Variants in SMU1 observed in about 807,000 individuals in gnomAD.
SMU1 encodes the protein WD40 repeat-containing protein SMU1.
A neutral mutation model predicts 62.0 loss-of-function variants in SMU1; 2 were observed. That is an observed-to-expected ratio of 0.03 (90% CI 0.01 to 0.10). The LOEUF (loss-of-function observed/expected upper bound fraction) is 0.10, where lower values mean the gene tolerates loss of function less well. Among genes scored for constraint, SMU1 ranks in the 10% least tolerant of loss-of-function variants. The pLI, the probability that SMU1 is intolerant of heterozygous loss-of-function variation, is 1.00. For synonymous variants in SMU1, 188 were observed against 212.4 expected, an observed-to-expected ratio of 0.89 and a Z score of 1.00; for missense variants, 227 against 622.1, an observed-to-expected ratio of 0.36 and a Z score of 6.76.
intron 1 of SMU1, among the ~76,000 whole-genome samples, chr9:33,075,104 C>T (rs1839531141): frequency 6.6e-6 from 1 of 151,484 alleles, no homozygotes; most frequent in Admixed American, 6.6e-5. Flanking sequence ...AGGCCGGCCG[C>T]GGTGGCTCAC....
Position 33,068,983 on chromosome 9 carries a change from T to G in SMU1, c.391-49A>C, listed in dbSNP as rs375602032. The G allele has an allele frequency of 2.2e-5, 35 of 1,595,812 alleles. No homozygotes were observed. In the African/African-American group the frequency reaches 4.0e-4, roughly 18 times the overall value. The stretch of plus-strand genomic sequence containing the variant: ...TCATTTCCAAGAAGCAACAACAAGA[T>G]ATGAGTGTGCTTATTTAAAACAAAC... On this transcript the variant is annotated intron_variant, in intron 3 of 11. Coordinates refer to ENST00000397149, the MANE Select transcript of SMU1 (RefSeq NM_018225.3).
At chr9:33,051,230 T>C (rs1438222558) in intron 10 of SMU1, among the ~76,000 whole-genome samples, 2 of 152,098 alleles carry the variant, frequency 1.3e-5, no homozygotes, top group African/African-American at 4.8e-5. Flanking sequence ...GTTACGTACT[T>C]TATGTTTCCA....
Position 33,056,180 on chromosome 9 carries a change from A to T in SMU1, c.1055T>A (p.Val352Asp). 1.9e-6 allele frequency: 3 copies of T among 1,613,590 alleles called. No homozygotes were observed. Among genetic ancestry groups the T allele is most frequent in the Non-Finnish European group, 2.5e-6 (3 of 1,179,652 alleles). Reference protein sequence around the residue: ...LKEFRGHSSFVNEATFTQDGH... With the variant: ...LKEFRGHSSFDNEATFTQDGH... ...ATCTTGTGTAAATGTTGCTTCGTTA[A>T]CAAAGGAGGAATGGCCACGAAATTC... The change falls in exon 9 of 12, where the codon GTT (valine) becomes GAT (aspartate). Residue 352 changes from valine (V) to aspartate (D), a missense_variant. Val to Asp is a radical substitution (Grantham distance 152, BLOSUM62 -3). This residue lies in a region of SMU1 where 98 missense variants were observed against 195.9 expected (regional missense o/e 0.50). Transcript: ENST00000397149.
At chr9:33,057,102 G>T in intron 7 of SMU1, 138 bp from the exon 8 acceptor site, 1 of 810,426 alleles carries the variant, frequency 1.2e-6, no homozygotes, top group Non-Finnish European at 1.9e-6. Flanking sequence ...AGCTGAATAT[G>T]ATGTCTAGTT....
chr9:33,052,303 G>A (rs1302437636), intron 10 of SMU1, among the ~76,000 whole-genome samples: 1 of 149,032 alleles, frequency 6.7e-6, no homozygotes, highest in Non-Finnish European at 1.5e-5. Context: ...TACTATTTTT[G>A]CAACTCTATG....
chr9:33,051,754 T>A (rs1839251822), intron 10 of SMU1, among the ~76,000 whole-genome samples: 1 of 152,138 alleles, frequency 6.6e-6, no homozygotes, highest in South Asian at 2.1e-4. Flanking sequence ...TCTTTGGGAA[T>A]AAAACCATTC....
At chr9:33,074,548 T>TACATCAAG (rs1177026785) in intron 1 of SMU1, among the ~76,000 whole-genome samples, 3 of 152,044 alleles carry the variant, frequency 2.0e-5, no homozygotes, top group African/African-American at 7.2e-5. Context: ...AGGTTGAGGC[T>TACATCAAG]GCAGTGAGCC....
intron 5 of SMU1, 150 bp from the exon 6 acceptor site, chr9:33,060,734 C>T (rs969913859): frequency 9.2e-5 from 86 of 931,406 alleles, no homozygotes; most frequent in Non-Finnish European, 1.2e-4. Context: ...TGTACCTGGA[C>T]GCAGGGAGCT....
intron 3 of SMU1, among the ~76,000 whole-genome samples, chr9:33,071,344 A>C (rs572798210): frequency 6.6e-6 from 1 of 152,290 alleles, no homozygotes; most frequent in African/African-American, 2.4e-5. Flanking sequence ...AAGAAACAAA[A>C]GCTTCTAGGG....
intron 1 of SMU1, 113 bp downstream of exon 1, chr9:33,076,470 A>T: frequency 7.7e-7 from 1 of 1,292,496 alleles, no homozygotes; most frequent in East Asian, 2.3e-5. Context: ...GGGGCAAGGA[A>T]ATGGCCCTCC....
intron 9 of SMU1, among the ~76,000 whole-genome samples, chr9:33,054,550 T>TG (rs1839284806): frequency 6.6e-6 from 1 of 152,238 alleles, no homozygotes; most frequent in Non-Finnish European, 1.5e-5. Flanking sequence ...CTTATCCTTC[T>TG]GGGTTCTATG....
At chr9:33,047,421 G>GT in intron 11 of SMU1, 30 bp from the exon 12 acceptor site, 1 of 1,577,848 alleles carries the variant, frequency 6.3e-7, no homozygotes. Context: ...GGGTTAGGAT[G>GT]TACAGATCTG....
At chr9:33,068,109 C>T (rs891421802) in intron 4 of SMU1, among the ~76,000 whole-genome samples, 7 of 152,120 alleles carry the variant, frequency 4.6e-5, no homozygotes, top group Admixed American at 1.3e-4. Context: ...AATACTGTGA[C>T]GAGTAAATGG....
intron 4 of SMU1, among the ~76,000 whole-genome samples, chr9:33,065,147 G>C (rs923715261): frequency 6.6e-6 from 1 of 152,030 alleles, no homozygotes; most frequent in Admixed American, 6.6e-5. Flanking sequence ...AAACCTCTAG[G>C]TTAAGGTCCA....
chr9:33,060,954 T>A (rs1260348678), intron 5 of SMU1, among the ~76,000 whole-genome samples: 6 of 152,234 alleles, frequency 3.9e-5, no homozygotes, highest in African/African-American at 1.4e-4. Context: ...TGGCCTAATA[T>A]GTTCCTGTTG....
In SMU1 at chr9:33,047,210, G is replaced by GGC; in HGVS notation, c.*81_*82dup. ...GACAATCTATTTGCTTAGAAAAGCTGGCAAAAAAAAAAAAAAGCACATTAC... is the reference window on the plus strand; with the variant it reads ...GACAATCTATTTGCTTAGAAAAGCTGGCGCAAAAAAAAAAAAAAGCACATTAC... On this transcript the variant is annotated 3_prime_UTR_variant, in exon 12 of 12. Transcript: ENST00000397149. The GGC allele has an allele frequency of 1.5e-6, 1 of 656,418 alleles. No individual in the cohort carries two copies. The allele number at this position is 656,418 out of a possible 1,614,324, so 40.7% of individuals were successfully genotyped here.
intron 10 of SMU1, among the ~76,000 whole-genome samples, chr9:33,051,429 A>C (rs1395925875): frequency 2.0e-5 from 3 of 152,156 alleles, no homozygotes; most frequent in Admixed American, 6.5e-5. Context: ...AGAACATACA[A>C]CACCAAGAGT....
Position 33,047,149 on chromosome 9 carries a change from C to A in SMU1, c.*144G>T. 1 of 563,818 alleles carries A rather than the reference C, an allele frequency of 1.8e-6. No individual in the cohort carries two copies. Among genetic ancestry groups the A allele is most frequent in the Non-Finnish European group, 3.1e-6 (1 of 319,526 alleles). The allele number at this position is 563,818 out of a possible 1,614,324, so 34.9% of individuals were successfully genotyped here. On this transcript the variant is annotated 3_prime_UTR_variant, in exon 12 of 12. Coordinates refer to ENST00000397149, the MANE Select transcript of SMU1 (RefSeq NM_018225.3). ...AAAGAAAGGGTAGTTGCTACTTAAACATGAATTTTCACAAAATTATTCTGT... is the reference window on the plus strand; with the variant it reads ...AAAGAAAGGGTAGTTGCTACTTAAAAATGAATTTTCACAAAATTATTCTGT...
At position 33,047,212 on chromosome 9, in the gene SMU1, CA is replaced by C. The variant is rs34866457; in HGVS notation, c.*80del. On this transcript the variant is annotated 3_prime_UTR_variant, in exon 12 of 12. Transcript: ENST00000397149. ...CAATCTATTTGCTTAGAAAAGCTGGCAAAAAAAAAAAAAAGCACATTACATG... is the reference window on the plus strand; with the variant it reads ...CAATCTATTTGCTTAGAAAAGCTGGCAAAAAAAAAAAAAGCACATTACATG... 56,199 of 626,464 alleles carry C rather than the reference CA, an allele frequency of 0.09. 11 individuals are homozygous for C. The highest frequency in any genetic ancestry group is 0.14 in the South Asian group (5,491 of 39,060). 38.8% of individuals were successfully genotyped at this position (626,464 alleles called of 1,614,324 possible).
Sources: gnomAD v4.1 joint callset for allele counts (sites outside exome capture counted in the v4.1 genomes callset) on GRCh38, gnomAD v4.1.1 for gene constraint, gnomAD v4.1.1 regional missense constraint, MANE v1.5 for transcripts, NCBI Gene and HGNC (gene_info 2026-07-23, HGNC 2026-07-21) for gene names.